CACNA2D3: variants seen among roughly 807,000 people sequenced by gnomAD.
CACNA2D3 encodes calcium voltage-gated channel auxiliary subunit alpha2delta 3.
A neutral mutation model predicts 160.6 loss-of-function variants in CACNA2D3; 60 were observed. The observed-to-expected ratio is 0.37, with a 90% CI of 0.30 to 0.46. The LOEUF (loss-of-function observed/expected upper bound fraction) is 0.46. Among genes scored for constraint, CACNA2D3 ranks in the 20% least tolerant of loss-of-function variants. The pLI is 1.00. For synonymous variants in CACNA2D3, 558 were observed against 492.9 expected, an observed-to-expected ratio of 1.13 and a Z score of -1.75; for missense variants, 1,205 against 1,365.0, an observed-to-expected ratio of 0.88 and a Z score of 1.85.
At chr3:54,221,329 A>G (rs1034486610) in intron 2 of CACNA2D3, among the ~76,000 whole-genome samples, 3 of 152,208 alleles carry the variant, frequency 2.0e-5, no homozygotes, top group African/African-American at 7.2e-5. Context: ...TTTAGTTTCC[A>G]TTTGAGATTA....
At chr3:54,780,376 CAAT>C (rs1702509215) in intron 13 of CACNA2D3, among the ~76,000 whole-genome samples, 1 of 152,170 alleles carries the variant, frequency 6.6e-6, no homozygotes, top group African/African-American at 2.4e-5. Context: ...TTGCTAAATG[CAAT>C]ATGTTGGGGA....
intron 34 of CACNA2D3, among the ~76,000 whole-genome samples, chr3:55,010,360 C>G (rs893734977): frequency 2.6e-4 from 40 of 152,112 alleles, no homozygotes; most frequent in African/African-American, 8.7e-4. Context: ...TATAAAAAAC[C>G]TGCATGTACC....
intron 4 of CACNA2D3, among the ~76,000 whole-genome samples, chr3:54,440,504 A>G (rs1295139583): frequency 1.3e-5 from 2 of 152,226 alleles, no homozygotes; most frequent in African/African-American, 4.8e-5. Context: ...TTTTTATTAT[A>G]CTTTAAGTTT....
At chr3:54,647,360 C>T (rs138916290) in intron 11 of CACNA2D3, among the ~76,000 whole-genome samples, 71 of 152,342 alleles carry the variant, frequency 4.7e-4, no homozygotes, top group Admixed American at 1.3e-3. Context: ...AAAGCATCCG[C>T]AAGCCTAGTG....
At chr3:54,583,135 C>G (rs910478696) in intron 9 of CACNA2D3, among the ~76,000 whole-genome samples, 1 of 152,064 alleles carries the variant, frequency 6.6e-6, no homozygotes, top group Non-Finnish European at 1.5e-5. Flanking sequence ...GATCTCATCC[C>G]TATTCCAATA....
chr3:54,369,734 T>A (rs56741949), intron 3 of CACNA2D3, among the ~76,000 whole-genome samples: 3,287 of 152,298 alleles, frequency 0.022, 113 homozygotes, highest in African/African-American at 0.075. Flanking sequence ...TCAGATTCTG[T>A]CTCCTCTGTG....
intron 3 of CACNA2D3, among the ~76,000 whole-genome samples, chr3:54,323,473 T>TC (rs1324834236): frequency 2.7e-5 from 4 of 150,298 alleles, no homozygotes; most frequent in Non-Finnish European, 5.9e-5. Flanking sequence ...CTTTTCTTTT[T>TC]TTTTTTTTTT....
At chr3:54,511,846 A>G (rs931093400) in intron 5 of CACNA2D3, among the ~76,000 whole-genome samples, 1 of 152,198 alleles carries the variant, frequency 6.6e-6, no homozygotes, top group Non-Finnish European at 1.5e-5. Flanking sequence ...AGAAGTTTCA[A>G]GGTTACTTCT....
chr3:54,249,695 A>C (rs1371676717), intron 2 of CACNA2D3, among the ~76,000 whole-genome samples: 1 of 150,004 alleles, frequency 6.7e-6, no homozygotes, highest in East Asian at 2.0e-4. Flanking sequence ...ACACACACAC[A>C]CACCCCTCAT....
intron 2 of CACNA2D3, among the ~76,000 whole-genome samples, chr3:54,214,147 G>A (rs1701423540): frequency 6.6e-6 from 1 of 152,178 alleles, no homozygotes; most frequent in Admixed American, 6.5e-5. Flanking sequence ...CAGGAACAAA[G>A]CTGGCAGATT....
At chr3:55,059,539 T>C (rs1190843225) in intron 35 of CACNA2D3, among the ~76,000 whole-genome samples, 5 of 152,178 alleles carry the variant, frequency 3.3e-5, no homozygotes, top group Non-Finnish European at 7.3e-5. Context: ...GTGGACACTT[T>C]TGGGCTCCAG....
intron 2 of CACNA2D3, among the ~76,000 whole-genome samples, chr3:54,201,584 G>C (rs1455610974): frequency 6.6e-6 from 1 of 152,116 alleles, no homozygotes; most frequent in Non-Finnish European, 1.5e-5. Context: ...CTGACTATTT[G>C]GTAGAAGATT....
intron 2 of CACNA2D3, among the ~76,000 whole-genome samples, chr3:54,266,479 T>G (rs2107445829): frequency 6.6e-6 from 1 of 152,078 alleles, no homozygotes; most frequent in Middle Eastern, 3.4e-3. Context: ...AAGAGAAAGG[T>G]GTTGGGTTAT....
At chr3:54,853,611 C>T (rs1318389157) in intron 17 of CACNA2D3, among the ~76,000 whole-genome samples, 3 of 152,214 alleles carry the variant, frequency 2.0e-5, no homozygotes, top group Non-Finnish European at 2.9e-5. Flanking sequence ...AAGGAGGTCT[C>T]TGCCCACAAG....
At chr3:54,464,254 C>G (rs575958649) in intron 4 of CACNA2D3, among the ~76,000 whole-genome samples, 10 of 152,154 alleles carry the variant, frequency 6.6e-5, no homozygotes, top group African/African-American at 9.7e-5. Flanking sequence ...CAGTCTGCCC[C>G]TTCTCATATC....
chr3:54,677,851 T>G (rs1436512304), intron 11 of CACNA2D3, among the ~76,000 whole-genome samples: 1 of 151,932 alleles, frequency 6.6e-6, no homozygotes, highest in Non-Finnish European at 1.5e-5. Flanking sequence ...AATTTTAGTC[T>G]TAAAAATAGA....
chr3:54,862,117 C>T (rs186505334), intron 17 of CACNA2D3, among the ~76,000 whole-genome samples: 1 of 152,218 alleles, frequency 6.6e-6, no homozygotes, highest in Non-Finnish European at 1.5e-5. Context: ...GGGCTTAGAG[C>T]ATATGTGTAC....
chr3:54,659,016 T>C (rs1220837243), intron 11 of CACNA2D3, among the ~76,000 whole-genome samples: 1 of 152,108 alleles, frequency 6.6e-6, no homozygotes, highest in Non-Finnish European at 1.5e-5. Flanking sequence ...ATTGACTTAC[T>C]CTAACTTCCT....
chr3:54,410,637 A>G (rs370125994), intron 4 of CACNA2D3, among the ~76,000 whole-genome samples: 1 of 152,210 alleles, frequency 6.6e-6, no homozygotes, highest in African/African-American at 2.4e-5. Flanking sequence ...GCTCAGAAAA[A>G]GGATTCCTTT....
Sources: gnomAD v4.1 joint callset for allele counts (sites outside exome capture counted in the v4.1 genomes callset) on GRCh38, gnomAD v4.1.1 for gene constraint, MANE v1.5 for transcripts, NCBI Gene and HGNC (gene_info 2026-07-23, HGNC 2026-07-21) for gene names.